Variants in COL19A1 observed in about 807,000 individuals in gnomAD.
COL19A1 encodes collagen alpha-1(XIX) chain.
A neutral mutation model predicts 190.2 loss-of-function variants in COL19A1; 159 were observed. The observed-to-expected ratio is 0.84, with a 90% CI of 0.73 to 0.95. The LOEUF (loss-of-function observed/expected upper bound fraction) is 0.95. COL19A1 is among the 40% of genes least tolerant of loss of function. The probability of loss-of-function intolerance (pLI) is 0.00; values close to 1 mark genes in which losing one functional copy is unlikely to be tolerated. For missense variants in COL19A1, 1,418 were observed against 1,431.9 expected, an observed-to-expected ratio of 0.99 and a Z score of 0.16; for synonymous variants, 509 against 458.9, an observed-to-expected ratio of 1.11 and a Z score of -1.39.
intron 15 of COL19A1, among the ~76,000 whole-genome samples, chr6:70,082,896 T>C (rs1212616801): frequency 2.6e-5 from 4 of 152,100 alleles, no homozygotes; most frequent in Non-Finnish European, 4.4e-5. Context: ...GCCTAGATTC[T>C]TCGCCATGAG....
At chr6:69,940,775 C>G (rs1456928124) in intron 9 of COL19A1, among the ~76,000 whole-genome samples, 2 of 152,088 alleles carry the variant, frequency 1.3e-5, no homozygotes, top group Non-Finnish European at 2.9e-5. Flanking sequence ...ATATGCTCTG[C>G]CTTGTAAAAA....
chr6:70,063,274 A>C (rs904097227), intron 14 of COL19A1, among the ~76,000 whole-genome samples: 2 of 152,176 alleles, frequency 1.3e-5, no homozygotes, highest in Non-Finnish European at 2.9e-5. Context: ...AAATCACAAC[A>C]AACTGTCTCT....
intron 2 of COL19A1, among the ~76,000 whole-genome samples, chr6:69,898,216 C>A (rs907021762): frequency 2.6e-5 from 4 of 152,126 alleles, no homozygotes; most frequent in African/African-American, 9.7e-5. Flanking sequence ...GTTATCTTGG[C>A]ACAATTCAAA....
chr6:70,162,096 A>C, intron 35 of COL19A1, 143 bp downstream of exon 35: 1 of 656,202 alleles, frequency 1.5e-6, no homozygotes, highest in Non-Finnish European at 2.4e-6. Context: ...GCCTCATCCA[A>C]GCTCTCAGAT....
intron 4 of COL19A1, among the ~76,000 whole-genome samples, chr6:69,900,998 T>G (rs1047164970): frequency 6.6e-6 from 1 of 152,224 alleles, no homozygotes; most frequent in East Asian, 1.9e-4. Flanking sequence ...TACCATATAG[T>G]TGGCAATAAT....
intron 45 of COL19A1, 23 bp downstream of exon 45, chr6:70,184,761 T>A (rs750998675): frequency 6.2e-7 from 1 of 1,603,530 alleles, no homozygotes. Flanking sequence ...TGATTTAAAA[T>A]AAAAGTTATA....
chr6:70,113,720 C>G (rs1784403669), intron 16 of COL19A1, among the ~76,000 whole-genome samples: 1 of 151,866 alleles, frequency 6.6e-6, no homozygotes. Context: ...TGCTCTCTTT[C>G]TAGTAGAAGC....
At chr6:69,954,878 A>C (rs1774320175) in intron 9 of COL19A1, among the ~76,000 whole-genome samples, 1 of 152,108 alleles carries the variant, frequency 6.6e-6, no homozygotes, top group Non-Finnish European at 1.5e-5. Flanking sequence ...GAATAGAACT[A>C]TAAATTACTC....
chr6:69,906,108 C>T (rs1277128674), intron 4 of COL19A1, among the ~76,000 whole-genome samples: 12 of 152,180 alleles, frequency 7.9e-5, no homozygotes, highest in Non-Finnish European at 1.8e-4. Context: ...CACAAACACA[C>T]ATACTATAGA....
chr6:69,909,940 AT>A (rs1053210275), intron 4 of COL19A1, among the ~76,000 whole-genome samples: 1 of 152,162 alleles, frequency 6.6e-6, no homozygotes, highest in African/African-American at 2.4e-5. Context: ...GTTCAGATAT[AT>A]AAGCCTTACA....
chr6:70,204,590 A>G (rs543401260), intron 49 of COL19A1, among the ~76,000 whole-genome samples: 2 of 152,336 alleles, frequency 1.3e-5, no homozygotes, highest in East Asian at 3.9e-4. Context: ...ACATGAACCG[A>G]AATGCATGCA....
intron 48 of COL19A1, among the ~76,000 whole-genome samples, chr6:70,193,937 G>A (rs563120802): frequency 2.3e-4 from 35 of 152,254 alleles, no homozygotes; most frequent in Middle Eastern, 3.4e-3. Context: ...TACCATTTTC[G>A]GAAAGTTTTT....
At chr6:69,992,726 G>A (rs1275491179) in intron 11 of COL19A1, among the ~76,000 whole-genome samples, 1 of 151,896 alleles carries the variant, frequency 6.6e-6, no homozygotes, top group Admixed American at 6.6e-5. Context: ...ACTCTGAAAG[G>A]GACAGTGTTC....
At chr6:70,060,086 AT>A (rs978028349) in intron 14 of COL19A1, among the ~76,000 whole-genome samples, 2 of 152,200 alleles carry the variant, frequency 1.3e-5, no homozygotes, top group Non-Finnish European at 2.9e-5. Flanking sequence ...ATGGTAAATG[AT>A]TAATTTGTAA....
At chr6:70,197,236 C>T (rs1411412508) in intron 48 of COL19A1, among the ~76,000 whole-genome samples, 7 of 151,568 alleles carry the variant, frequency 4.6e-5, no homozygotes, top group South Asian at 2.1e-4. Flanking sequence ...CTGGCTGACA[C>T]GGTGAAACCC....
intron 48 of COL19A1, among the ~76,000 whole-genome samples, chr6:70,195,136 GATATATATATAT>G (rs202055762): frequency 2.2e-5 from 3 of 136,030 alleles, no homozygotes; most frequent in African/African-American, 8.0e-5. Context: ...CATCATTGAT[GATATATATATAT>G]ATATATATAT....
intron 40 of COL19A1, among the ~76,000 whole-genome samples, chr6:70,171,751 T>A (rs564111117): frequency 8.3e-4 from 127 of 152,312 alleles, no homozygotes; most frequent in African/African-American, 2.8e-3. Flanking sequence ...TCAGAAAATA[T>A]ACCTCTCTGG....
At position 70,199,617 on chromosome 6, in the gene COL19A1, C is replaced by T; in HGVS notation, c.3104C>T (p.Ala1035Val). ...EVLRIFEERM[A>V]VFLSQLKLPA... ...TCTTCTATACATGAAGAGAGGATGG[C>T]TGTATTCCTATCCCAGCTCAAGCTG... Residue 1035 changes from alanine (A) to valine (V), a missense_variant, in exon 49 of 51, where the codon GCT becomes GTT. Coordinates refer to ENST00000620364, the MANE Select transcript of COL19A1 (RefSeq NM_001858.6). 1 of 1,597,352 alleles carries T rather than the reference C, an allele frequency of 6.3e-7. No individual in the cohort carries two copies. Among genetic ancestry groups the T allele is most frequent in the Non-Finnish European group, 8.5e-7 (1 of 1,170,422 alleles).
rs555737842 is a variant in COL19A1 at position 70,081,021 on chromosome 6, A to G, written c.1224+12545A>G. Reference sequence around the variant, plus strand: ...GGCATAAGAATTACAAATTCAAAAGAAGTTACGCTTCTAATTTAATATCAA... The same window carrying G: ...GGCATAAGAATTACAAATTCAAAAGGAGTTACGCTTCTAATTTAATATCAA... On this transcript the variant is annotated intron_variant, in intron 15 of 50. Coordinates refer to ENST00000620364, the MANE Select transcript of COL19A1 (RefSeq NM_001858.6). 3.7e-4 allele frequency among the ~76,000 whole-genome samples: 57 copies of G among 152,300 alleles called. 3 individuals carry two copies. Among genetic ancestry groups the G allele is most frequent in the Admixed American group, 3.7e-3 (56 of 15,298 alleles).
Sources: gnomAD v4.1 joint callset for allele counts (sites outside exome capture counted in the v4.1 genomes callset) on GRCh38, gnomAD v4.1.1 for gene constraint, MANE v1.5 for transcripts, NCBI Gene and HGNC (gene_info 2026-07-23, HGNC 2026-07-21) for gene names.